The following CDH23 variants were observed in gnomAD, a reference collection of about 807,000 sequenced individuals.
The protein encoded by CDH23 is cadherin related 23.
Under a neutral mutation model 317.1 loss-of-function variants are expected in CDH23, and 189 were observed. The ratio of observed to expected loss-of-function variants is 0.60; its 90% CI spans 0.53 to 0.67. CDH23 has a LOEUF of 0.67. Ranked by LOEUF, CDH23 falls within the 30% of genes least tolerant of loss-of-function variation. The probability of loss-of-function intolerance (pLI) is 0.00; values close to 1 mark genes in which losing one functional copy is unlikely to be tolerated. For missense variants in CDH23, 4,401 were observed against 4,592.4 expected (o/e 0.96, Z 1.20); for synonymous variants, 1,839 against 1,876.8 (o/e 0.98, Z 0.52).
chr10:71,746,971 A>C (rs1839866927), intron 38 of CDH23, among the ~76,000 whole-genome samples: 1 of 152,074 alleles, frequency 6.6e-6, no homozygotes, highest in Non-Finnish European at 1.5e-5. Context: ...TTAGACTTGG[A>C]CCCTGCTATT....
chr10:71,512,600 G>T (rs982500595), intron 6 of CDH23, among the ~76,000 whole-genome samples: 2 of 152,214 alleles, frequency 1.3e-5, no homozygotes, highest in African/African-American at 4.8e-5. Flanking sequence ...GGCAGGCATG[G>T]CTGCCCTCTC....
intron 14 of CDH23, among the ~76,000 whole-genome samples, chr10:71,650,778 G>T (rs764436146): frequency 2.6e-5 from 4 of 152,162 alleles, no homozygotes; most frequent in Non-Finnish European, 5.9e-5. Context: ...CCTGCCTCCT[G>T]ACCTGGCAAT....
chr10:71,687,559 A>C, intron 18 of CDH23, 88 bp from the exon 19 acceptor site: 1 of 1,204,172 alleles, frequency 8.3e-7, no homozygotes, highest in East Asian at 2.4e-5. Flanking sequence ...AGCCAGACCT[A>C]GCCTGACTCC....
At chr10:71,630,448 G>C (rs556344578) in intron 11 of CDH23, among the ~76,000 whole-genome samples, 171 of 152,272 alleles carry the variant, frequency 1.1e-3, no homozygotes, top group Middle Eastern at 3.4e-3. Flanking sequence ...GGTGAGGAGC[G>C]GTCAGCCGCT....
intron 19 of CDH23, among the ~76,000 whole-genome samples, chr10:71,690,211 C>T (rs1865133491): frequency 6.6e-6 from 1 of 152,126 alleles, no homozygotes; most frequent in African/African-American, 2.4e-5. Context: ...ATCAGAGGGC[C>T]CAGTCCATCC....
chr10:71,666,114 AC>A (rs1457371541), intron 14 of CDH23, among the ~76,000 whole-genome samples: 3 of 151,994 alleles, frequency 2.0e-5, no homozygotes, highest in Non-Finnish European at 2.9e-5. Context: ...TGCAGGCCTC[AC>A]CACTAGTCAG....
chr10:71,514,204 C>A (rs905695643), intron 6 of CDH23, among the ~76,000 whole-genome samples: 8 of 152,120 alleles, frequency 5.3e-5, no homozygotes, highest in African/African-American at 1.2e-4. Flanking sequence ...CCCAAACATG[C>A]CCCAGCAGAA....
At chr10:71,796,357 G>C (rs1033209050) in intron 48 of CDH23, among the ~76,000 whole-genome samples, 12 of 152,170 alleles carry the variant, frequency 7.9e-5, no homozygotes, top group Non-Finnish European at 8.8e-5. Context: ...AGCAGGCAGG[G>C]ACTCTGGGAG....
At chr10:71,513,468 G>A (rs1854108635) in intron 6 of CDH23, among the ~76,000 whole-genome samples, 1 of 152,206 alleles carries the variant, frequency 6.6e-6, no homozygotes, top group African/African-American at 2.4e-5. Context: ...CCTTTAGAGT[G>A]TGATTCAGCA....
chr10:71,709,227 G>T lies in CDH23; in HGVS notation c.3220+16G>T. The stretch of plus-strand genomic sequence containing the variant: ...GAGGCCATCGGTATGCACCAGTCCC[G>T]CACCCACCAACACAGTGATCTGGGC... On this transcript the variant is annotated intron_variant, in intron 27 of 69. Coordinates refer to ENST00000224721, the MANE Select transcript of CDH23 (RefSeq NM_022124.6). 2 of 1,601,992 alleles carry T rather than the reference G, an allele frequency of 1.2e-6. No homozygotes were observed. The highest frequency in any genetic ancestry group is 1.7e-6 in the Non-Finnish European group (2 of 1,169,624).
intron 14 of CDH23, among the ~76,000 whole-genome samples, chr10:71,663,506 C>T (rs1486611360): frequency 1.3e-5 from 2 of 152,184 alleles, no homozygotes; most frequent in Non-Finnish European, 2.9e-5. Context: ...CCTTGCCTCC[C>T]TTGCCACTCC....
In CDH23 at chr10:71,577,849, G is replaced by T. The variant is rs117560618; in HGVS notation, c.754-65G>T. On this transcript the variant is annotated intron_variant, in intron 8 of 69. Coordinates refer to ENST00000224721, the MANE Select transcript of CDH23 (RefSeq NM_022124.6). ...TGGGGAGGGAAGCTGTGGGTGCCAT[G>T]ATAGCTACAAAGAAAGACAGCAGCC... 1,287 of 1,386,124 alleles carry T rather than the reference G, an allele frequency of 9.3e-4. 28 individuals are homozygous for T. The East Asian group carries it at 0.029, about 31-fold the overall frequency. The allele number at this position is 1,386,124 out of a possible 1,614,324, so 85.9% of individuals were successfully genotyped here. A position where few individuals can be genotyped will look rare whatever the true frequency, so the allele number is the denominator to read the frequency against.
intron 14 of CDH23, among the ~76,000 whole-genome samples, chr10:71,656,221 G>A (rs748610914): frequency 4.6e-5 from 7 of 152,178 alleles, no homozygotes; most frequent in Non-Finnish European, 7.4e-5. Context: ...CAGGGCATAC[G>A]AGTCCAAGGT....
chr10:71,496,445 C>T (rs1474478380), intron 3 of CDH23, among the ~76,000 whole-genome samples: 1 of 152,158 alleles, frequency 6.6e-6, no homozygotes, highest in African/African-American at 2.4e-5. Context: ...CTGGAAGAGG[C>T]TCAGGGAAGC....
At chr10:71,753,997 T>A (rs888522174) in intron 38 of CDH23, among the ~76,000 whole-genome samples, 2 of 152,214 alleles carry the variant, frequency 1.3e-5, no homozygotes, top group Non-Finnish European at 2.9e-5. Context: ...CAAAGCAGGA[T>A]GGAAATCCAC....
chr10:71,675,903 C>CTTTTT (rs66656163), intron 15 of CDH23, among the ~76,000 whole-genome samples: 19 of 120,842 alleles, frequency 1.6e-4, no homozygotes, highest in South Asian at 2.8e-4. Flanking sequence ...AGCCCTCTAA[C>CTTTTT]TTTTTTTTTT....
chr10:71,448,552 C>T (rs1850283373), intron 3 of CDH23, among the ~76,000 whole-genome samples: 1 of 152,222 alleles, frequency 6.6e-6, no homozygotes, highest in Non-Finnish European at 1.5e-5. Flanking sequence ...AGCCTCTTCT[C>T]TTCTTTTTGC....
chr10:71,414,610 A>G (rs895366491), intron 1 of CDH23, among the ~76,000 whole-genome samples: 1 of 151,148 alleles, frequency 6.6e-6, no homozygotes, highest in Middle Eastern at 3.4e-3. Flanking sequence ...ATGAATTGCT[A>G]ATGTTCTGCT....
chr10:71,653,242 C>T (rs995692144), intron 14 of CDH23, among the ~76,000 whole-genome samples: 4 of 152,220 alleles, frequency 2.6e-5, no homozygotes, highest in African/African-American at 7.2e-5. Flanking sequence ...CCACCCACAG[C>T]ATTGACCCCA....
Sources: allele counts gnomAD v4.1 joint callset (sites outside exome capture counted in the v4.1 genomes callset), GRCh38; gene constraint gnomAD v4.1.1; transcripts MANE v1.5; gene names NCBI Gene and HGNC (gene_info 2026-07-23, HGNC 2026-07-21).